SLC6A5: variants seen among roughly 807,000 people sequenced by gnomAD.
SLC6A5 encodes solute carrier family 6 member 5.
A neutral mutation model predicts 90.5 loss-of-function variants in SLC6A5; 58 were observed. The observed-to-expected ratio is 0.64, with a 90% CI of 0.52 to 0.80. The LOEUF (loss-of-function observed/expected upper bound fraction) is 0.80. Ranked by LOEUF, SLC6A5 falls within the 30% of genes least tolerant of loss-of-function variation. The pLI, the probability that SLC6A5 is intolerant of heterozygous loss-of-function variation, is 0.00. For synonymous variants in SLC6A5, 427 were observed against 401.4 expected (o/e 1.06, Z -0.76); for missense variants, 1,015 against 1,017.6 (o/e 1.00, Z 0.03).
chr11:20,601,242 G>A lies in SLC6A5; in HGVS notation c.117G>A (p.Glu39=), dbSNP rs1011182903. The A allele has an allele frequency of 1.3e-6, 2 of 1,582,094 alleles. No homozygotes were observed. Among genetic ancestry groups the A allele is most frequent in the South Asian group, 1.1e-5 (1 of 88,886 alleles). Residue 39 remains glutamate, a synonymous_variant, in exon 2 of 16, where the codon GAG becomes GAA. Transcript: ENST00000525748. ...CTCCCAGGACGAGCCCGGAGCAGGAGCTTCCCGCGGCTGCCGCCCCGCCGC... is the reference window on the plus strand; with the variant it reads ...CTCCCAGGACGAGCCCGGAGCAGGAACTTCCCGCGGCTGCCGCCCCGCCGC... ...PCAPRTSPEQ[E]LPAAAAPPPP...
At chr11:20,645,849 A>G (rs1441926440) in intron 13 of SLC6A5, among the ~76,000 whole-genome samples, 1 of 151,850 alleles carries the variant, frequency 6.6e-6, no homozygotes, top group Non-Finnish European at 1.5e-5. Flanking sequence ...GTTAGACGGG[A>G]TGTTCTCGAT....
chr11:20,611,969 C>T lies in SLC6A5; in HGVS notation c.986-2710C>T, dbSNP rs543929334. On this transcript the variant is annotated intron_variant, in intron 5 of 15. Transcript: ENST00000525748. ...AATTAAACCTCTTTCTCTGCTGCAA[C>T]GCAGGGTCTTGGTGAAGTATTGACT... Among the ~76,000 whole-genome samples, 6 of 152,302 alleles carry T rather than the reference C, an allele frequency of 3.9e-5. No individual in the cohort carries two copies. The South Asian group carries it at 8.3e-4, about 21-fold the overall frequency.
In SLC6A5 at chr11:20,604,390, G is replaced by GA; in HGVS notation, c.646dup (p.Arg216LysfsTer108). 6.2e-7 allele frequency: 1 copy of GA among 1,614,086 alleles called. No homozygotes were observed. The highest frequency in any genetic ancestry group is 8.5e-7 in the Non-Finnish European group (1 of 1,179,982). On this transcript the variant is annotated frameshift_variant, in exon 3 of 16. Transcript: ENST00000525748. LOFTEE classifies it high-confidence loss of function. ...ACGCAGTGGGGCTGGGCAATGTCTGGAGGTTTCCCTACCTGGCCTTCCAGA... is the reference window on the plus strand; with the variant it reads ...ACGCAGTGGGGCTGGGCAATGTCTGGAAGGTTTCCCTACCTGGCCTTCCAGA...
At chr11:20,650,745 C>T (rs1405924972) in intron 14 of SLC6A5, among the ~76,000 whole-genome samples, 5 of 143,034 alleles carry the variant, frequency 3.5e-5, no homozygotes, top group Non-Finnish European at 7.5e-5. Flanking sequence ...CGGCTCACTG[C>T]AAGCTCCGCC....
chr11:20,601,053 G>A, intron 1 of SLC6A5, 76 bp from the exon 2 acceptor site: 1 of 1,449,980 alleles, frequency 6.9e-7, no homozygotes, highest in African/African-American at 1.4e-5. Context: ...AGTTGCGAAC[G>A]TCTCCATATC....
At chr11:20,652,204 A>G (rs1052007408) in intron 14 of SLC6A5, 85 bp from the exon 15 acceptor site, 29 of 1,256,608 alleles carry the variant, frequency 2.3e-5, no homozygotes, top group Non-Finnish European at 3.4e-5. Context: ...GAAAGCATCA[A>G]ACTCATAACG....
chr11:20,626,988 G>A (rs1853010091), intron 8 of SLC6A5, 146 bp downstream of exon 8: 1 of 689,390 alleles, frequency 1.5e-6, no homozygotes, highest in Non-Finnish European at 2.6e-6. Flanking sequence ...ATGCACTCAG[G>A]AAATATTTAA....
chr11:20,644,153 T>C (rs559156087), intron 13 of SLC6A5, among the ~76,000 whole-genome samples: 15 of 152,358 alleles, frequency 9.8e-5, no homozygotes, highest in Non-Finnish European at 1.8e-4. Context: ...ATCAAGCTAA[T>C]TGACATTTCT....
In SLC6A5 at chr11:20,631,472, A is replaced by T. The variant is rs567614031; in HGVS notation, c.1624+657A>T. Among the ~76,000 whole-genome samples, 8 of 152,362 alleles carry T rather than the reference A, an allele frequency of 5.3e-5. 1 individual carries two copies. The East Asian group carries it at 1.2e-3, about 22-fold the overall frequency. On this transcript the variant is annotated intron_variant, in intron 10 of 15. Coordinates refer to ENST00000525748, the MANE Select transcript of SLC6A5 (RefSeq NM_004211.5). ...ACATTTGTATGGTGCTTTCAAGTTG[A>T]CAAAGAGCTTTCATTTTTATTTCAC...
chr11:20,601,248 C>T lies in SLC6A5; in HGVS notation c.123C>T (p.Pro41=), dbSNP rs1042714665. 2 of 1,583,102 alleles carry T rather than the reference C, an allele frequency of 1.3e-6. No individual in the cohort carries two copies. Among genetic ancestry groups the T allele is most frequent in the Non-Finnish European group, 1.7e-6 (2 of 1,172,346 alleles). The change falls in exon 2 of 16, where the codon CCC becomes CCT. Residue 41 remains proline (P), a synonymous_variant. Transcript: ENST00000525748. Reference sequence around the variant, plus strand: ...GGACGAGCCCGGAGCAGGAGCTTCCCGCGGCTGCCGCCCCGCCGCCGCCAC... The same window carrying T: ...GGACGAGCCCGGAGCAGGAGCTTCCTGCGGCTGCCGCCCCGCCGCCGCCAC... ...APRTSPEQEL[P]AAAAPPPPRV...
chr11:20,652,786 T>C (rs1853567246), intron 15 of SLC6A5, among the ~76,000 whole-genome samples: 1 of 152,174 alleles, frequency 6.6e-6, no homozygotes, highest in African/African-American at 2.4e-5. Context: ...CAGTGTTTTG[T>C]TTTTAACCAC....
At chr11:20,613,143 G>GATGT (rs900658462) in intron 5 of SLC6A5, among the ~76,000 whole-genome samples, 1 of 152,162 alleles carries the variant, frequency 6.6e-6, no homozygotes, top group African/African-American at 2.4e-5. Flanking sequence ...ATCCTGTCTT[G>GATGT]ATGTATGACC....
intron 13 of SLC6A5, among the ~76,000 whole-genome samples, chr11:20,646,045 C>T (rs1853409209): frequency 6.6e-6 from 1 of 152,068 alleles, no homozygotes; most frequent in Admixed American, 6.5e-5. Context: ...TCCCACAGTC[C>T]TGGGAAGGCC....
intron 11 of SLC6A5, 47 bp downstream of exon 11, chr11:20,636,466 C>CT (rs1853210286): frequency 2.5e-6 from 3 of 1,199,506 alleles, no homozygotes; most frequent in Non-Finnish European, 3.7e-6. Context: ...CTCTTGAAGA[C>CT]TCCCCCTCTC....
At chr11:20,610,764 T>A (rs1852678859) in intron 5 of SLC6A5, among the ~76,000 whole-genome samples, 1 of 152,292 alleles carries the variant, frequency 6.6e-6, no homozygotes, top group East Asian at 1.9e-4. Flanking sequence ...AAGTGGAGAT[T>A]CTCAACCAGG....
intron 7 of SLC6A5, among the ~76,000 whole-genome samples, chr11:20,625,838 A>G (rs1192110206): frequency 6.6e-6 from 1 of 152,194 alleles, no homozygotes; most frequent in Non-Finnish European, 1.5e-5. Flanking sequence ...TGAACGTCTT[A>G]GTAGACGCCC....
Position 20,655,018 on chromosome 11 carries a change from G to A in SLC6A5, c.*150G>A. The A allele has an allele frequency of 1.1e-6, 1 of 891,340 alleles. No homozygotes were observed. Among genetic ancestry groups the A allele is most frequent in the South Asian group, 1.3e-5 (1 of 75,088 alleles). The allele number at this position is 891,340 out of a possible 1,614,324, so 55.2% of individuals were successfully genotyped here. A position where few individuals can be genotyped will look rare whatever the true frequency, so the allele number is the denominator to read the frequency against. On this transcript the variant is annotated 3_prime_UTR_variant, in exon 16 of 16. Transcript: ENST00000525748. ...ATGAGAGTGATTATGTAGAAAAGTA[G>A]GCATAGTGTCGCATGCTGCAGTAAA...
At chr11:20,626,416 G>A (rs1417680022) in intron 7 of SLC6A5, among the ~76,000 whole-genome samples, 1 of 152,040 alleles carries the variant, frequency 6.6e-6, no homozygotes, top group Admixed American at 6.6e-5. Flanking sequence ...CCCCTAAGGA[G>A]TTGTGTACTC....
chr11:20,637,021 G>A (rs142006131), intron 11 of SLC6A5, 151 bp from the exon 12 acceptor site: 110 of 783,846 alleles, frequency 1.4e-4, no homozygotes, highest in African/African-American at 1.1e-3. Flanking sequence ...TGGACCCCAA[G>A]GAGGCTTTTT....
Sources: allele counts gnomAD v4.1 joint callset (sites outside exome capture counted in the v4.1 genomes callset), GRCh38; gene constraint gnomAD v4.1.1; transcripts MANE v1.5; gene names NCBI Gene and HGNC (gene_info 2026-07-23, HGNC 2026-07-21).